The following VPS13B variants were observed in gnomAD, a reference collection of about 807,000 sequenced individuals.
The protein encoded by VPS13B is intermembrane lipid transfer protein VPS13B.
VPS13B carries 285 observed loss-of-function variants against 426.4 expected under a neutral mutation model. The ratio of observed to expected loss-of-function variants is 0.67; its 90% confidence interval spans 0.61 to 0.74. The LOEUF is 0.74. Ranked by LOEUF, VPS13B falls within the 30% of genes least tolerant of loss-of-function variation. VPS13B has a pLI of 0.00. For synonymous variants in VPS13B, 1,676 were observed against 1,676.4 expected (o/e 1.00, Z 0.01); for missense variants, 4,537 against 4,782.6 (o/e 0.95, Z 1.51).
At chr8:99,522,272 C>G (rs1465554571) in intron 30 of VPS13B, among the ~76,000 whole-genome samples, 16 of 152,100 alleles carry the variant, frequency 1.1e-4, no homozygotes, top group Admixed American at 1.0e-3. Flanking sequence ...TTTTCTACTT[C>G]AGAAGTAAGT....
At chr8:99,326,452 C>CTTGTTTTTTTTTT (rs1810267861) in intron 19 of VPS13B, among the ~76,000 whole-genome samples, 2 of 32,518 alleles carry the variant, frequency 6.2e-5, no homozygotes, top group Non-Finnish European at 1.0e-4. Flanking sequence ...CTCTAGGTAG[C>CTTGTTTTTTTTTT]TTTTTTTTTT....
chr8:99,497,313 T>C (rs914809487), intron 25 of VPS13B, among the ~76,000 whole-genome samples: 4 of 145,468 alleles, frequency 2.7e-5, no homozygotes, highest in African/African-American at 9.9e-5. Context: ...CATAAAATAA[T>C]ATGTATATAT....
intron 19 of VPS13B, among the ~76,000 whole-genome samples, chr8:99,355,395 A>G (rs1812126413): frequency 6.6e-6 from 1 of 152,174 alleles, no homozygotes; most frequent in Non-Finnish European, 1.5e-5. Flanking sequence ...GATCGAGACC[A>G]TCCTGGCCAA....
At chr8:99,573,631 A>T (rs1825606762) in intron 31 of VPS13B, among the ~76,000 whole-genome samples, 1 of 152,106 alleles carries the variant, frequency 6.6e-6, no homozygotes, top group South Asian at 2.1e-4. Context: ...ATTATTTCTG[A>T]GGGCTCTGTT....
chr8:99,821,632 G>C lies in VPS13B; in HGVS notation c.9183+150G>C. On this transcript the variant is annotated intron_variant, in intron 50 of 61. Transcript: ENST00000357162. The stretch of plus-strand genomic sequence containing the variant: ...GTACATTTGATTTCTTAACTTCTTA[G>C]ACCTCTGTTTTACAGTGCTTTTTTT... 5.2e-6 allele frequency: 5 copies of C among 965,364 alleles called. No individual in the cohort carries two copies. In the Admixed American group the frequency reaches 1.1e-4, roughly 20 times the overall value. 59.8% of individuals were successfully genotyped at this position (965,364 alleles called of 1,614,324 possible).
chr8:99,366,105 G>A (rs886454415), intron 19 of VPS13B, among the ~76,000 whole-genome samples: 1 of 151,786 alleles, frequency 6.6e-6, no homozygotes, highest in Non-Finnish European at 1.5e-5. Context: ...ATATCTATTA[G>A]GTCCATTTGG....
At chr8:99,408,552 AAG>A (rs1376586077) in intron 21 of VPS13B, among the ~76,000 whole-genome samples, 1 of 152,152 alleles carries the variant, frequency 6.6e-6, no homozygotes, top group African/African-American at 2.4e-5. Flanking sequence ...GCTTTTGAGA[AAG>A]AGACTCAAGA....
Position 99,783,808 on chromosome 8 carries a change from A to G in VPS13B, c.7780-507A>G, listed in dbSNP as rs1207639362. Among the ~76,000 whole-genome samples, 8 of 151,928 alleles carry G rather than the reference A, an allele frequency of 5.3e-5. No individual in the cohort carries two copies. In the East Asian group the frequency reaches 1.5e-3, roughly 29 times the overall value. ...TTTACATCTCTCACTGAGCAGATTT[A>G]CACACACACACACATATCCACCCTC... On this transcript the variant is annotated intron_variant, in intron 42 of 61. Coordinates refer to ENST00000357162, the MANE Select transcript of VPS13B (RefSeq NM_152564.5).
At chr8:99,378,004 C>G (rs1025743480) in intron 19 of VPS13B, among the ~76,000 whole-genome samples, 35 of 152,150 alleles carry the variant, frequency 2.3e-4, no homozygotes, top group Admixed American at 5.9e-4. Context: ...GAGAACCAGT[C>G]TGACTAGAAT....
intron 17 of VPS13B, among the ~76,000 whole-genome samples, chr8:99,223,880 G>GT (rs1289049086): frequency 1.3e-5 from 2 of 152,100 alleles, no homozygotes; most frequent in Admixed American, 1.3e-4. Flanking sequence ...AGTATAGTAA[G>GT]TTTTTTTCAC....
At chr8:99,642,624 A>C in intron 34 of VPS13B, 126 bp downstream of exon 34, 1 of 828,218 alleles carries the variant, frequency 1.2e-6, no homozygotes, top group South Asian at 1.6e-5. Flanking sequence ...AGAATATGGA[A>C]AGTTCATGTT....
intron 35 of VPS13B, among the ~76,000 whole-genome samples, chr8:99,665,993 A>G (rs868236016): frequency 1.3e-5 from 2 of 152,028 alleles, no homozygotes; most frequent in Middle Eastern, 6.8e-3. Flanking sequence ...CTTTTATTTC[A>G]TTGAGCAGTG....
chr8:99,128,749 A>AT (rs1417752787), intron 8 of VPS13B, among the ~76,000 whole-genome samples: 3 of 149,004 alleles, frequency 2.0e-5, no homozygotes, highest in Non-Finnish European at 4.6e-5. Flanking sequence ...AAAAAAAAAA[A>AT]GTTTCTGTTC....
chr8:99,112,688 G>A (rs1847425921), intron 6 of VPS13B, among the ~76,000 whole-genome samples: 1 of 152,086 alleles, frequency 6.6e-6, no homozygotes, highest in South Asian at 2.1e-4. Flanking sequence ...GAATGTGAAG[G>A]TAAATTGAAG....
chr8:99,754,506 A>C (rs1810545390), intron 39 of VPS13B, among the ~76,000 whole-genome samples: 1 of 152,200 alleles, frequency 6.6e-6, no homozygotes. Context: ...CCGGTTTCTT[A>C]GCCTATTAAG....
At chr8:99,165,024 A>G (rs528818330) in intron 15 of VPS13B, among the ~76,000 whole-genome samples, 8 of 152,320 alleles carry the variant, frequency 5.3e-5, no homozygotes, top group African/African-American at 1.9e-4. Flanking sequence ...GAGAGTTGGC[A>G]TGGATCTGTA....
chr8:99,170,814 A>C (rs1812288924), intron 16 of VPS13B, among the ~76,000 whole-genome samples: 1 of 151,626 alleles, frequency 6.6e-6, no homozygotes, highest in Admixed American at 6.6e-5. Context: ...AATATATGAA[A>C]TTAATTTTTA....
At chr8:99,518,775 A>G (rs944858724) in intron 29 of VPS13B, among the ~76,000 whole-genome samples, 26 of 152,212 alleles carry the variant, frequency 1.7e-4, no homozygotes, top group Admixed American at 1.3e-4. Flanking sequence ...TGAAAACAAT[A>G]CACTGAAATA....
intron 25 of VPS13B, among the ~76,000 whole-genome samples, chr8:99,499,817 A>G (rs957738595): frequency 6.6e-6 from 1 of 152,168 alleles, no homozygotes; most frequent in Admixed American, 6.5e-5. Context: ...CTCTAATAGT[A>G]AATCCCAGAA....
Sources: allele counts gnomAD v4.1 joint callset (sites outside exome capture counted in the v4.1 genomes callset), GRCh38; gene constraint gnomAD v4.1.1; transcripts MANE v1.5; gene names NCBI Gene and HGNC (gene_info 2026-07-23, HGNC 2026-07-21).